DOCK1: variants seen among roughly 807,000 people sequenced by gnomAD.
DOCK1 encodes dedicator of cytokinesis 1, also known as dedicator of cytokinesis protein 1.
DOCK1 carries 138 observed loss-of-function variants against 262.7 expected under a neutral mutation model. That is an observed-to-expected ratio of 0.53 (90% CI 0.46 to 0.61). DOCK1 has a LOEUF of 0.61. Ranked by LOEUF, DOCK1 falls within the 20% of genes least tolerant of loss-of-function variation. DOCK1 has a pLI of 0.00. For missense variants in DOCK1, 1,908 were observed against 2,370.7 expected (o/e 0.80, Z 4.05); for synonymous variants, 866 against 867.4 (o/e 1.00, Z 0.03).
chr10:127,278,159 A>G (rs1435541840), intron 29 of DOCK1, among the ~76,000 whole-genome samples: 2 of 152,138 alleles, frequency 1.3e-5, no homozygotes, highest in African/African-American at 4.8e-5. Flanking sequence ...CTGTTAAACT[A>G]AAAAAGTATA....
At chr10:127,312,600 C>G (rs1267298468) in intron 29 of DOCK1, among the ~76,000 whole-genome samples, 1 of 152,194 alleles carries the variant, frequency 6.6e-6, no homozygotes, top group Non-Finnish European at 1.5e-5. Context: ...TCCTTACCCC[C>G]GGGCTTGAGG....
rs1385861025 is a variant in DOCK1, at chr10:126,937,861, CTTCT to C, written c.46+32301_46+32304del. 7.2e-5 allele frequency among the ~76,000 whole-genome samples: 11 copies of C among 152,188 alleles called. 1 individual carries two copies. Among genetic ancestry groups the C allele is most frequent in the African/African-American group, 1.7e-4 (7 of 41,538 alleles). On this transcript the variant is annotated intron_variant, in intron 1 of 51. Coordinates refer to ENST00000623213, the MANE Select transcript of DOCK1 (RefSeq NM_001290223.2). ...AGTTTTTAATTTTGATGAAGTCCAA[CTTCT>C]TTATCTTGTTATTGTTGTTTTCTGT...
intron 1 of DOCK1, among the ~76,000 whole-genome samples, chr10:126,956,733 C>T (rs1591442573): frequency 1.3e-5 from 2 of 152,314 alleles, no homozygotes; most frequent in African/African-American, 4.8e-5. Context: ...GAGGGAGAAA[C>T]TGAGCTTCAC....
chr10:126,940,943 C>T (rs904119752), intron 1 of DOCK1, among the ~76,000 whole-genome samples: 4 of 152,104 alleles, frequency 2.6e-5, no homozygotes, highest in African/African-American at 4.8e-5. Flanking sequence ...GATGATTCTT[C>T]GGAGGATGAT....
chr10:127,423,370 A>C (rs532425489), intron 46 of DOCK1, among the ~76,000 whole-genome samples: 27 of 152,288 alleles, frequency 1.8e-4, no homozygotes, highest in African/African-American at 6.3e-4. Flanking sequence ...TTGGTTAATA[A>C]GTCCCAGGCA....
At chr10:127,084,687 C>T (rs1376535967) in intron 23 of DOCK1, among the ~76,000 whole-genome samples, 1 of 152,184 alleles carries the variant, frequency 6.6e-6, no homozygotes, top group Non-Finnish European at 1.5e-5. Context: ...TCAAACTTCA[C>T]AGGATATTCT....
intron 26 of DOCK1, 87 bp from the exon 27 acceptor site, chr10:127,127,582 C>T: frequency 3.9e-6 from 4 of 1,030,366 alleles, no homozygotes; most frequent in Non-Finnish European, 5.8e-6. Flanking sequence ...TTACTCTTTA[C>T]AGGGTAAATG....
chr10:127,198,465 T>A (rs2134206984), intron 27 of DOCK1, among the ~76,000 whole-genome samples: 1 of 152,288 alleles, frequency 6.6e-6, no homozygotes, highest in East Asian at 1.9e-4. Context: ...TGAAAACAGG[T>A]CAACATAAAT....
chr10:127,329,165 C>T (rs1277736636), intron 29 of DOCK1, among the ~76,000 whole-genome samples: 1 of 152,078 alleles, frequency 6.6e-6, no homozygotes, highest in African/African-American at 2.4e-5. Flanking sequence ...GAAAAGACTC[C>T]AGTGGCAGCT....
chr10:127,377,891 CA>C (rs71490127), intron 35 of DOCK1, among the ~76,000 whole-genome samples: 5,669 of 104,682 alleles, frequency 0.054, 119 homozygotes, highest in Middle Eastern at 0.083. Context: ...GACTCTGTCT[CA>C]AAAAAAAAAA....
intron 29 of DOCK1, among the ~76,000 whole-genome samples, chr10:127,304,467 A>G (rs763865933): frequency 1.3e-5 from 2 of 152,152 alleles, no homozygotes; most frequent in African/African-American, 4.8e-5. Flanking sequence ...GTGACTTTCA[A>G]TTAAATTTTA....
intron 21 of DOCK1, among the ~76,000 whole-genome samples, chr10:127,046,757 CAAAA>C (rs5788823): frequency 6.8e-5 from 5 of 73,340 alleles, no homozygotes; most frequent in Non-Finnish European, 4.9e-5. Context: ...CACTACGTCT[CAAAA>C]AAAAAAAAAA....
At chr10:127,304,881 G>GA (rs1040070627) in intron 29 of DOCK1, among the ~76,000 whole-genome samples, 11 of 151,366 alleles carry the variant, frequency 7.3e-5, no homozygotes, top group Non-Finnish European at 7.4e-5. Context: ...GACTTTGTCT[G>GA]AAAAAAAACA....
chr10:127,425,181 A>G (rs1375612934), intron 46 of DOCK1, among the ~76,000 whole-genome samples: 1 of 152,212 alleles, frequency 6.6e-6, no homozygotes, highest in African/African-American at 2.4e-5. Context: ...ACTGAGTCCA[A>G]GCCCTGGGGG....
At chr10:127,199,046 T>C (rs551720424) in intron 27 of DOCK1, among the ~76,000 whole-genome samples, 29 of 151,890 alleles carry the variant, frequency 1.9e-4, no homozygotes, top group Admixed American at 1.8e-3. Context: ...GTCAATATGC[T>C]CGGCTTCCTC....
rs185471873 is a variant in DOCK1 at position 127,290,682 on chromosome 10, G to T, written c.3044+33253G>T. ...TTACATAAATGGGCTCATACAGTAG[G>T]TAACCTTTTGAGACTGGCTTCTTTT... On this transcript the variant is annotated intron_variant, in intron 29 of 51. Transcript: ENST00000623213. Among the ~76,000 whole-genome samples, 11 of 152,252 alleles carry T rather than the reference G, an allele frequency of 7.2e-5. No individual in the cohort carries two copies. The East Asian group carries it at 2.1e-3, about 29-fold the overall frequency.
intron 48 of DOCK1, among the ~76,000 whole-genome samples, chr10:127,438,184 G>A (rs1045083423): frequency 6.6e-6 from 1 of 152,214 alleles, no homozygotes; most frequent in Non-Finnish European, 1.5e-5. Flanking sequence ...CCTCCTGATA[G>A]GACTTCTAGG....
At chr10:127,079,422 T>C (rs906331166) in intron 23 of DOCK1, among the ~76,000 whole-genome samples, 2 of 152,234 alleles carry the variant, frequency 1.3e-5, no homozygotes, top group African/African-American at 4.8e-5. Context: ...CTCTTTAAAA[T>C]AGGCAGTGAA....
At chr10:127,190,898 C>T (rs1190081044) in intron 27 of DOCK1, among the ~76,000 whole-genome samples, 3 of 152,012 alleles carry the variant, frequency 2.0e-5, no homozygotes, top group African/African-American at 7.2e-5. Flanking sequence ...GTCTCCAACT[C>T]CTCTCCTCTG....
Sources: gnomAD v4.1 joint callset for allele counts (sites outside exome capture counted in the v4.1 genomes callset) on GRCh38, gnomAD v4.1.1 for gene constraint, MANE v1.5 for transcripts, NCBI Gene and HGNC (gene_info 2026-07-23, HGNC 2026-07-21) for gene names.